Variants in OSBPL10 observed in about 807,000 individuals in gnomAD.
OSBPL10 encodes oxysterol binding protein like 10.
In OSBPL10, 49 loss-of-function variants were observed where a neutral mutation model predicts 81.7. The observed-to-expected ratio is 0.60, with a 90% CI of 0.48 to 0.76. The LOEUF (loss-of-function observed/expected upper bound fraction) is 0.76, where lower values mean the gene tolerates loss of function less well. OSBPL10 is among the 30% of genes least tolerant of loss of function. OSBPL10 has a pLI of 0.00. For missense variants in OSBPL10, 923 were observed against 987.8 expected (o/e 0.93, Z 0.88); for synonymous variants, 419 against 383.6 (o/e 1.09, Z -1.08).
intron 4 of OSBPL10, among the ~76,000 whole-genome samples, chr3:31,819,484 G>A (rs1228968694): frequency 2.0e-5 from 3 of 152,192 alleles, no homozygotes; most frequent in Non-Finnish European, 4.4e-5. Context: ...CTGTGTTCTG[G>A]TGACTCATCC....
chr3:32,003,332 C>A (rs1041043371), intron 2 of OSBPL10, among the ~76,000 whole-genome samples: 3 of 152,162 alleles, frequency 2.0e-5, no homozygotes, highest in African/African-American at 7.2e-5. Context: ...AGGCAAGTAG[C>A]CCCCAGAGGG....
chr3:31,903,462 G>A (rs1302439708), intron 1 of OSBPL10, among the ~76,000 whole-genome samples: 6 of 151,592 alleles, frequency 4.0e-5, no homozygotes, highest in African/African-American at 1.2e-4. Flanking sequence ...CTGAGTAGCT[G>A]GGACCACAGG....
rs532720546 is a variant in OSBPL10, at chr3:31,791,878, C to G, written c.729+38162G>C. ...AAAAAAAAAAATAAGAAACAGATTA[C>G]TCCAATTCAATCAATTTTCTGAGCC... On this transcript the variant is annotated intron_variant, in intron 4 of 11. Transcript: ENST00000396556. Among the ~76,000 whole-genome samples the G allele has an allele frequency of 1.0e-3, 157 of 151,576 alleles. 1 individual carries two copies. The highest frequency in any genetic ancestry group is 3.6e-3 in the African/African-American group (148 of 41,348).
At chr3:31,677,533 G>A (rs987491428) in intron 8 of OSBPL10, among the ~76,000 whole-genome samples, 1 of 152,176 alleles carries the variant, frequency 6.6e-6, no homozygotes, top group Non-Finnish European at 1.5e-5. Flanking sequence ...GAGAAATTCT[G>A]AGTGGCATTT....
At chr3:31,735,746 G>C (rs1158924254) in intron 5 of OSBPL10, among the ~76,000 whole-genome samples, 1 of 151,980 alleles carries the variant, frequency 6.6e-6, no homozygotes, top group African/African-American at 2.4e-5. Context: ...TGCTCAGAGA[G>C]ACCTTCTGGG....
intron 8 of OSBPL10, among the ~76,000 whole-genome samples, chr3:31,683,351 T>C (rs1382551710): frequency 6.6e-6 from 1 of 152,044 alleles, no homozygotes; most frequent in African/African-American, 2.4e-5. Context: ...ACAGTACCTG[T>C]AAGGTGTGCA....
intron 1 of OSBPL10, among the ~76,000 whole-genome samples, chr3:31,893,174 T>A (rs1463869398): frequency 6.6e-6 from 1 of 152,158 alleles, no homozygotes; most frequent in South Asian, 2.1e-4. Context: ...AAATACCAAG[T>A]ATATACATGC....
intron 4 of OSBPL10, among the ~76,000 whole-genome samples, chr3:31,774,093 C>T (rs888232049): frequency 6.8e-6 from 1 of 147,142 alleles, no homozygotes; most frequent in African/African-American, 2.6e-5. Flanking sequence ...ACCTGGGAGG[C>T]GGAGGTTGCA....
chr3:31,844,684 T>C (rs960825540), intron 3 of OSBPL10, among the ~76,000 whole-genome samples: 1 of 152,232 alleles, frequency 6.6e-6, no homozygotes, highest in Non-Finnish European at 1.5e-5. Flanking sequence ...CAGGGTTTTA[T>C]TTTGTGGTAG....
At chr3:31,743,846 G>C (rs1412037136) in intron 5 of OSBPL10, among the ~76,000 whole-genome samples, 6 of 152,128 alleles carry the variant, frequency 3.9e-5, no homozygotes, top group Admixed American at 3.9e-4. Flanking sequence ...GCACTTCTTA[G>C]ACATAACCAT....
At chr3:31,965,186 G>T (rs764842393) in intron 1 of OSBPL10, among the ~76,000 whole-genome samples, 8 of 151,100 alleles carry the variant, frequency 5.3e-5, no homozygotes, top group Non-Finnish European at 1.2e-4. Context: ...TGGCTAACAT[G>T]GTGAAATCCC....
chr3:31,867,687 G>A (rs2125610933), intron 3 of OSBPL10, among the ~76,000 whole-genome samples: 1 of 149,748 alleles, frequency 6.7e-6, no homozygotes, highest in African/African-American at 2.4e-5. Context: ...AGGTTGCAGT[G>A]AGCCAAGATC....
At chr3:31,705,895 G>A (rs1350321342) in intron 6 of OSBPL10, among the ~76,000 whole-genome samples, 1 of 152,118 alleles carries the variant, frequency 6.6e-6, no homozygotes, top group East Asian at 1.9e-4. Context: ...ATACTGCTGA[G>A]AGAATTTATA....
At chr3:31,889,167 T>C (rs1695820111) in intron 1 of OSBPL10, among the ~76,000 whole-genome samples, 1 of 152,086 alleles carries the variant, frequency 6.6e-6, no homozygotes, top group African/African-American at 2.4e-5. Context: ...CTGGTGAAGA[T>C]ACAAAGAAAA....
intron 1 of OSBPL10, among the ~76,000 whole-genome samples, chr3:31,898,306 G>A (rs148398206): frequency 0.011 from 1,637 of 152,192 alleles, 13 homozygotes; most frequent in Non-Finnish European, 0.017. Flanking sequence ...AGATAAGTGA[G>A]GTGAGAGATA....
intron 1 of OSBPL10, among the ~76,000 whole-genome samples, chr3:32,070,816 C>T (rs535928789): frequency 1.3e-5 from 2 of 152,074 alleles, no homozygotes; most frequent in Non-Finnish European, 2.9e-5. Flanking sequence ...CTCACTATTC[C>T]GTTCTTGATC....
At chr3:32,071,614 C>CTGCCGT (rs1699829408) in intron 1 of OSBPL10, among the ~76,000 whole-genome samples, 1 of 133,912 alleles carries the variant, frequency 7.5e-6, no homozygotes, top group African/African-American at 2.7e-5. Context: ...GCTGCCACCA[C>CTGCCGT]CCTAATACTT....
intron 6 of OSBPL10, among the ~76,000 whole-genome samples, chr3:31,713,089 G>T (rs376396065): frequency 1.3e-5 from 2 of 152,196 alleles, no homozygotes; most frequent in South Asian, 4.1e-4. Flanking sequence ...TAGCTAGAAG[G>T]CATCTTAAAT....
chr3:31,667,032 A>G (rs10510652), intron 10 of OSBPL10, among the ~76,000 whole-genome samples: 2,374 of 152,332 alleles, frequency 0.016, 64 homozygotes, highest in African/African-American at 0.055. Flanking sequence ...TGAATTCTGC[A>G]TTCCCATAGG....
Sources: allele counts gnomAD v4.1 joint callset (sites outside exome capture counted in the v4.1 genomes callset), GRCh38; gene constraint gnomAD v4.1.1; transcripts MANE v1.5; gene names NCBI Gene and HGNC (gene_info 2026-07-23, HGNC 2026-07-21).